LAMC2: variants seen among roughly 807,000 people sequenced by gnomAD.
The protein encoded by LAMC2 is laminin subunit gamma-2.
In LAMC2, 97 loss-of-function variants were observed where a neutral mutation model predicts 140.2. The observed-to-expected ratio is 0.69, with a 90% CI of 0.59 to 0.82. The LOEUF (loss-of-function observed/expected upper bound fraction) is 0.82. LAMC2 is among the 40% of genes least tolerant of loss of function. The pLI is 0.00. For missense variants in LAMC2, 1,402 were observed against 1,476.1 expected, an observed-to-expected ratio of 0.95 and a Z score of 0.82; for synonymous variants, 513 against 540.2, an observed-to-expected ratio of 0.95 and a Z score of 0.70.
intron 1 of LAMC2, among the ~76,000 whole-genome samples, chr1:183,196,432 T>C (rs1343155623): frequency 1.3e-5 from 2 of 152,222 alleles, no homozygotes; most frequent in East Asian, 1.9e-4. Context: ...CCACTGTGCC[T>C]GGCTGATAAA....
chr1:183,245,186 G>A (rs971117329), downstream of LAMC2, among the ~76,000 whole-genome samples: 5 of 152,224 alleles, frequency 3.3e-5, no homozygotes, highest in Middle Eastern at 3.4e-3. Flanking sequence ...TTTTTCATCA[G>A]CTATAAAATG....
the LAMC2 span, chr1:183,250,363 C>A: frequency 6.6e-6 from 1 of 152,232 alleles, no homozygotes; most frequent in African/African-American, 2.4e-5. Context: ...GGAAACCTAA[C>A]AGTGGCCTTC....
Position 183,186,422 on chromosome 1 carries a change from A to G in LAMC2, c.70A>G (p.Arg24Gly), listed in dbSNP as rs369305187. Residue 24 changes from arginine (R) to glycine (G), a missense_variant, in exon 1 of 23, where the codon AGG (arginine) becomes GGG (glycine). Physicochemically the swap from Arg to Gly is moderately radical, Grantham distance 125. Around this residue, in one of 3 missense-constraint regions of LAMC2, gnomAD observed 723 missense variants for 783.3 expected, o/e 0.92. Transcript: ENST00000264144. ...CCTGCCCGCAGCCCGGGCCACCTCC[A>G]GGAGGGAAGGTGAGTCGGCTTCCAC... ...LLLPAARATS[R>G]REVCDCNGKS... 1.1e-4 allele frequency: 171 copies of G among 1,604,280 alleles called. No homozygotes were observed. Among genetic ancestry groups the G allele is most frequent in the Non-Finnish European group, 1.3e-4 (154 of 1,179,688 alleles).
rs747119147 is a variant in LAMC2, at chr1:183,240,384, T to C, written c.3321T>C (p.His1107=). The change falls in exon 22 of 23, where the codon CAT becomes CAC. Residue 1107 remains histidine (H), a synonymous_variant. Transcript: ENST00000264144. ...DTLNTLDGLL[H]LMDQPLSVDE... The stretch of plus-strand genomic sequence containing the variant: ...TCAACACATTAGACGGCCTCCTGCA[T>C]CTGATGGGTATGTGAACCCACAACC... The C allele has an allele frequency of 2.5e-6, 4 of 1,614,186 alleles. No individual in the cohort carries two copies. Among genetic ancestry groups the C allele is most frequent in the East Asian group, 4.5e-5 (2 of 44,882 alleles).
intron 18 of LAMC2, among the ~76,000 whole-genome samples, chr1:183,237,888 G>T (rs1660015099): frequency 6.6e-6 from 1 of 152,006 alleles, no homozygotes; most frequent in African/African-American, 2.4e-5. Flanking sequence ...CCTGTTTCTG[G>T]AAAAATCAAC....
chr1:183,221,036 G>A (rs779431680), intron 5 of LAMC2, 75 bp downstream of exon 5: 8 of 1,322,722 alleles, frequency 6.0e-6, no homozygotes, highest in African/African-American at 1.4e-5. Context: ...AACCACCTCC[G>A]CATTCACAGG....
intron 14 of LAMC2, among the ~76,000 whole-genome samples, chr1:183,233,949 C>T (rs1216650838): frequency 6.7e-6 from 1 of 149,062 alleles, no homozygotes; most frequent in Non-Finnish European, 1.5e-5. Flanking sequence ...TACAATGGTG[C>T]GATCTCGGCT....
chr1:183,193,383 C>G (rs144499228), intron 1 of LAMC2, among the ~76,000 whole-genome samples: 3,336 of 152,268 alleles, frequency 0.022, 47 homozygotes, highest in Middle Eastern at 0.034. Flanking sequence ...TGACATTTTG[C>G]ATCTGTATAT....
Position 183,228,723 on chromosome 1 carries a change from T to G in LAMC2, c.1714+104T>G, listed in dbSNP as rs1659711749. On this transcript the variant is annotated intron_variant, in intron 11 of 22. Coordinates refer to ENST00000264144, the MANE Select transcript of LAMC2 (RefSeq NM_005562.3). This position sits in a 1 kb window ranked among gnomAD's most constrained non-coding sequence, Gnocchi z 4.3. ...ATGGCAGTTCATATCATGATGTTAC[T>G]TTGATTCTCTGACCAAACTGGCCTG... The G allele has an allele frequency of 5.3e-6, 8 of 1,506,770 alleles. No homozygotes were observed. The highest frequency in any genetic ancestry group is 7.3e-6 in the Non-Finnish European group (8 of 1,096,226). 93.3% of individuals were successfully genotyped at this position (1,506,770 alleles called of 1,614,324 possible). A position where few individuals can be genotyped will look rare whatever the true frequency, so the allele number is the denominator to read the frequency against.
At position 183,228,727 on chromosome 1, in the gene LAMC2, A is replaced by G. The variant is rs112260555; in HGVS notation, c.1714+108A>G. ...CAGTTCATATCATGATGTTACTTTG[A>G]TTCTCTGACCAAACTGGCCTGTGAG... is the stretch of plus-strand genomic sequence containing the variant. On this transcript the variant is annotated intron_variant, in intron 11 of 22. Transcript: ENST00000264144. The surrounding 1 kb of genome is among the most constrained non-coding windows in gnomAD (Gnocchi z 4.3). 1.3e-4 allele frequency: 192 copies of G among 1,484,876 alleles called. No homozygotes were observed. In the African/African-American group the frequency reaches 2.5e-3, roughly 19 times the overall value. 92.0% of individuals were successfully genotyped at this position (1,484,876 alleles called of 1,614,324 possible).
At chr1:183,218,918 A>G (rs1558089055) in intron 4 of LAMC2, among the ~76,000 whole-genome samples, 1 of 152,236 alleles carries the variant, frequency 6.6e-6, no homozygotes, top group African/African-American at 2.4e-5. Flanking sequence ...ATGGCCATAT[A>G]TAACCATCGT....
downstream of LAMC2, among the ~76,000 whole-genome samples, chr1:183,246,895 A>G (rs1347826540): frequency 6.6e-6 from 1 of 152,232 alleles, no homozygotes; most frequent in African/African-American, 2.4e-5. Context: ...AAGAAATCCA[A>G]AGATCCAAAG....
In LAMC2 at chr1:183,232,747, A is replaced by C. The variant is rs1571535264; in HGVS notation, c.2110A>C (p.Arg704=). 1.2e-6 allele frequency: 2 copies of C among 1,614,062 alleles called. No individual in the cohort carries two copies. The highest frequency in any genetic ancestry group is 1.7e-5 in the Admixed American group (1 of 60,018). The change falls in exon 14 of 23, where the codon AGA becomes CGA. Residue 704 remains arginine, a synonymous_variant. Coordinates refer to ENST00000264144, the MANE Select transcript of LAMC2 (RefSeq NM_005562.3). ...GGATGACCTCAAGATGACTGTGGAA[A>C]GAGTTCGGGCTCTGGGAAGTCAGTA... ...RLDDLKMTVE[R]VRALGSQYQN... is the part of the protein sequence containing the mutation.
In LAMC2 at chr1:183,243,227, CA is replaced by C. The variant is rs1553267885; in HGVS notation, c.3411del (p.Gln1137HisfsTer5). On this transcript the variant is annotated frameshift_variant, in exon 23 of 23. Coordinates refer to ENST00000264144, the MANE Select transcript of LAMC2 (RefSeq NM_005562.3). LOFTEE classifies it high-confidence loss of function. The stretch of plus-strand genomic sequence containing the variant: ...CCGAGCCAAGACCCAGATCAACAGC[CA>C]ACTGCGGCCCATGATGTCAGAGCTG... ...LSRAKTQINSQLRPMMSELEE... is the reference protein window; with the variant it reads ...LSRAKTQINSXLRPMMSELEE... 1.2e-6 allele frequency: 2 copies of C among 1,614,132 alleles called. No homozygotes were observed.
chr1:183,232,078 T>C (rs958531724), intron 12 of LAMC2, 109 bp from the exon 13 acceptor site: 1 of 1,386,722 alleles, frequency 7.2e-7, no homozygotes, highest in Non-Finnish European at 1.0e-6. Context: ...CACCATGACA[T>C]GCTAAGCATT....
chr1:183,243,272 C>G lies in LAMC2; in HGVS notation c.3454C>G (p.Gln1152Glu). Residue 1152 changes from glutamine to glutamate, a missense_variant, in exon 23 of 23, where the codon CAG becomes GAG. This residue lies in a region of LAMC2 where 670 missense variants were observed against 667.2 expected (regional missense o/e 1.00). Coordinates refer to ENST00000264144, the MANE Select transcript of LAMC2 (RefSeq NM_005562.3). Reference protein sequence around the residue: ...MSELEERARQQRGHLHLLETS... With the variant: ...MSELEERARQERGHLHLLETS... Reference sequence around the variant, plus strand: ...AGAGCTGGAAGAGAGGGCACGTCAGCAGAGGGGCCACCTCCATTTGCTGGA... The same window carrying G: ...AGAGCTGGAAGAGAGGGCACGTCAGGAGAGGGGCCACCTCCATTTGCTGGA... The G allele has an allele frequency of 6.2e-7, 1 of 1,614,196 alleles. No individual in the cohort carries two copies. Among genetic ancestry groups the G allele is most frequent in the Non-Finnish European group, 8.5e-7 (1 of 1,180,034 alleles).
Position 183,207,933 on chromosome 1 carries a change from C to T in LAMC2, c.132C>T (p.His44=). 6.2e-7 allele frequency: 1 copy of T among 1,613,002 alleles called. No homozygotes were observed. The highest frequency in any genetic ancestry group is 8.5e-7 in the Non-Finnish European group (1 of 1,179,886). ...SRQCIFDREL[H]RQTGNGFRCL... is the part of the protein sequence containing the mutation. The stretch of plus-strand genomic sequence containing the variant: ...AGTGTATCTTTGATCGGGAACTTCA[C>T]AGACAAACTGGTAATGGATTCCGCT... Residue 44 remains histidine (H), a synonymous_variant, in exon 2 of 23, where the codon CAC becomes CAT. Coordinates refer to ENST00000264144, the MANE Select transcript of LAMC2 (RefSeq NM_005562.3).
chr1:183,240,785 G>A, intron 22 of LAMC2: 1 of 739,852 alleles, frequency 1.4e-6, no homozygotes, highest in Non-Finnish European at 1.7e-6. Context: ...GATCACTAGG[G>A]CAGCCGAGTG....
At chr1:183,255,663 T>G in the LAMC2 span, among the ~76,000 whole-genome samples, 803 of 10,168 alleles carry the variant, frequency 0.079, 17 homozygotes, top group East Asian at 0.42. Context: ...TTCCTAAGGG[T>G]TTTTTTTTTT....
Sources: allele counts gnomAD v4.1 joint callset (sites outside exome capture counted in the v4.1 genomes callset), GRCh38; gene constraint gnomAD v4.1.1; regional missense constraint gnomAD v4.1.1; non-coding constraint Gnocchi (gnomAD v3.1); transcripts MANE v1.5; gene names NCBI Gene and HGNC (gene_info 2026-07-23, HGNC 2026-07-21).